Variants in SRRM4 observed in about 807,000 individuals in gnomAD.
The protein encoded by SRRM4 is serine/arginine repetitive matrix 4, also known as serine/arginine repetitive matrix protein 4.
SRRM4 carries 33 observed loss-of-function variants against 68.9 expected under a neutral mutation model. The observed-to-expected ratio is 0.48, with a 90% CI of 0.36 to 0.64. The LOEUF (loss-of-function observed/expected upper bound fraction) is 0.64. Ranked by LOEUF, SRRM4 falls within the 30% of genes least tolerant of loss-of-function variation. SRRM4 has a pLI of 0.00. For synonymous variants in SRRM4, 318 were observed against 318.8 expected (o/e 1.00, Z 0.03); for missense variants, 817 against 827.1 (o/e 0.99, Z 0.15).
intron 1 of SRRM4, among the ~76,000 whole-genome samples, chr12:119,025,710 C>CT (rs1341214322): frequency 1.3e-5 from 2 of 151,974 alleles, no homozygotes; most frequent in Non-Finnish European, 2.9e-5. Flanking sequence ...TCCCAAAGTG[C>CT]TGGGATCACA....
chr12:119,098,206 G>A (rs1448189497), intron 1 of SRRM4, among the ~76,000 whole-genome samples: 4 of 152,214 alleles, frequency 2.6e-5, no homozygotes, highest in African/African-American at 7.2e-5. Flanking sequence ...CCAGCCATAT[G>A]AGTGAGCCAC....
chr12:119,156,443 G>A (rs1048189410), intron 12 of SRRM4, 52 bp from the exon 13 acceptor site: 11 of 1,520,928 alleles, frequency 7.2e-6, no homozygotes, highest in African/African-American at 6.9e-5. Context: ...GGCTCGCTGC[G>A]GGGAGGCACG....
rs1369897419 is a variant in SRRM4, at chr12:119,140,262, C to A, written c.772-5119C>A. Among the ~76,000 whole-genome samples the A allele has an allele frequency of 2.0e-5, 3 of 152,080 alleles. No individual in the cohort carries two copies. In the East Asian group the frequency reaches 5.8e-4, roughly 29 times the overall value. ...GCGTGGTGGCAGGCACCCGTAATCC[C>A]AGCTACCTGGAAGGCTGAAGCAGGA... On this transcript the variant is annotated intron_variant, in intron 8 of 12. Transcript: ENST00000267260.
At chr12:119,113,793 G>A (rs1954159470) in intron 2 of SRRM4, among the ~76,000 whole-genome samples, 1 of 152,086 alleles carries the variant, frequency 6.6e-6, no homozygotes, top group African/African-American at 2.4e-5. Context: ...GGTTCTGCGA[G>A]GCAATATAAG....
intron 2 of SRRM4, among the ~76,000 whole-genome samples, chr12:119,105,351 C>T (rs533504494): frequency 1.8e-4 from 28 of 152,170 alleles, no homozygotes; most frequent in African/African-American, 2.4e-4. Flanking sequence ...TGGATGGCTG[C>T]GTCAAATGAT....
intron 2 of SRRM4, among the ~76,000 whole-genome samples, chr12:119,113,217 A>G (rs1226849131): frequency 6.6e-6 from 1 of 152,176 alleles, no homozygotes; most frequent in Non-Finnish European, 1.5e-5. Context: ...AATGATCCAG[A>G]TTCTTAAAAT....
Position 119,154,707 on chromosome 12 carries a change from G to A in SRRM4, c.1532+324G>A, listed in dbSNP as rs911252615. Among the ~76,000 whole-genome samples, 4 of 152,190 alleles carry A rather than the reference G, an allele frequency of 2.6e-5. No individual in the cohort carries two copies. The highest frequency in any genetic ancestry group is 4.4e-5 in the Non-Finnish European group (3 of 68,028). On this transcript the variant is annotated intron_variant, in intron 12 of 12. Transcript: ENST00000267260. This position sits in a 1 kb window ranked among gnomAD's most constrained non-coding sequence, Gnocchi z 4.7. ...GCTGGGGCCGGGGAGGCGGAGCTGG[G>A]GGAGAGAGTGGCGTCAGGCCAGGGA...
intron 7 of SRRM4, among the ~76,000 whole-genome samples, chr12:119,126,181 A>C (rs963737417): frequency 6.6e-6 from 1 of 151,242 alleles, no homozygotes; most frequent in Non-Finnish European, 1.5e-5. Context: ...CCGCCACCAC[A>C]CCTGGCTAAT....
chr12:119,017,104 A>G (rs1953486459), intron 1 of SRRM4, among the ~76,000 whole-genome samples: 1 of 152,270 alleles, frequency 6.6e-6, no homozygotes, highest in Non-Finnish European at 1.5e-5. Flanking sequence ...TGGAGTTCAT[A>G]TCACCACAGC....
At position 119,160,297 on chromosome 12, in the gene SRRM4, C is replaced by CTCTG. The variant is rs1555221763; in HGVS notation, c.*3502_*3503insGTCT. 1 of 62,134 alleles carries CTCTG rather than the reference C, an allele frequency of 1.6e-5. No individual in the cohort carries two copies. The highest frequency in any genetic ancestry group is 5.9e-5 in the African/African-American group (1 of 16,890). 3.8% of individuals were successfully genotyped at this position (62,134 alleles called of 1,614,324 possible). A position where few individuals can be genotyped will look rare whatever the true frequency, so the allele number is the denominator to read the frequency against. ...TCTCTGTCTCTCTCTCTGTCTCTCT[C>CTCTG]TCTCTCTCTCTCTCTCTCTCTCTCT... On this transcript the variant is annotated 3_prime_UTR_variant, in exon 13 of 13. Transcript: ENST00000267260.
Position 119,156,816 on chromosome 12 carries a change from G to A in SRRM4, c.*18G>A. On this transcript the variant is annotated 3_prime_UTR_variant, in exon 13 of 13. Coordinates refer to ENST00000267260, the MANE Select transcript of SRRM4 (RefSeq NM_194286.4). ...GGCGCTAAGTGCCCCTGAGCCAGCTGCCCGTGGGGGCCCCTTCGCGCTGCC... is the reference window on the plus strand; with the variant it reads ...GGCGCTAAGTGCCCCTGAGCCAGCTACCCGTGGGGGCCCCTTCGCGCTGCC... 6.7e-7 allele frequency: 1 copy of A among 1,500,514 alleles called. No homozygotes were observed. The highest frequency in any genetic ancestry group is 8.9e-7 in the Non-Finnish European group (1 of 1,127,150). 92.9% of individuals were successfully genotyped at this position (1,500,514 alleles called of 1,614,324 possible). A position where few individuals can be genotyped will look rare whatever the true frequency, so the allele number is the denominator to read the frequency against.
intron 1 of SRRM4, among the ~76,000 whole-genome samples, chr12:119,056,531 TG>T (rs1460309779): frequency 1.3e-5 from 2 of 152,210 alleles, no homozygotes; most frequent in Non-Finnish European, 2.9e-5. Flanking sequence ...CAAAACCTGG[TG>T]CCTGCCCACC....
chr12:119,040,344 T>C (rs1953658717), intron 1 of SRRM4, among the ~76,000 whole-genome samples: 1 of 152,184 alleles, frequency 6.6e-6, no homozygotes, highest in Non-Finnish European at 1.5e-5. Flanking sequence ...TTATCCCCTG[T>C]GTCCCTTCCA....
At chr12:119,130,621 A>T in intron 7 of SRRM4, 57 bp from the exon 8 acceptor site, 1 of 1,548,456 alleles carries the variant, frequency 6.5e-7, no homozygotes, top group African/African-American at 1.4e-5. Flanking sequence ...TCCTGCATAC[A>T]TCTCCCTACC....
intron 5 of SRRM4, among the ~76,000 whole-genome samples, 184 bp from the exon 6 acceptor site, chr12:119,121,886 G>A (rs568667851): frequency 3.3e-5 from 5 of 152,148 alleles, no homozygotes; most frequent in Admixed American, 6.5e-5. Flanking sequence ...ATGTGTGTGC[G>A]TCGGTATCCC....
chr12:119,140,145 G>A (rs1470877309), intron 8 of SRRM4, among the ~76,000 whole-genome samples: 8 of 152,096 alleles, frequency 5.3e-5, no homozygotes, highest in Non-Finnish European at 7.4e-5. Context: ...AGGCTGAGGC[G>A]GAACAGATCA....
At chr12:119,134,722 C>G (rs79449633) in intron 8 of SRRM4, among the ~76,000 whole-genome samples, 4,836 of 152,302 alleles carry the variant, frequency 0.032, 98 homozygotes, top group Middle Eastern at 0.088. Context: ...TGTGGTGGGG[C>G]AGTACCCACA....
At chr12:119,075,023 G>A (rs1953899696) in intron 1 of SRRM4, among the ~76,000 whole-genome samples, 1 of 152,182 alleles carries the variant, frequency 6.6e-6, no homozygotes, top group South Asian at 2.1e-4. Context: ...GACTCCAAGG[G>A]AACGGGGATT....
chr12:119,044,486 CAG>C (rs1185209510), intron 1 of SRRM4, among the ~76,000 whole-genome samples: 6 of 151,800 alleles, frequency 4.0e-5, no homozygotes, highest in Non-Finnish European at 7.4e-5. Context: ...GAGTCAGAAG[CAG>C]AGCTTCCTAA....
Sources: allele counts gnomAD v4.1 joint callset (sites outside exome capture counted in the v4.1 genomes callset), GRCh38; gene constraint gnomAD v4.1.1; non-coding constraint Gnocchi (gnomAD v3.1); transcripts MANE v1.5; gene names NCBI Gene and HGNC (gene_info 2026-07-23, HGNC 2026-07-21).